Variants in PPARGC1A observed in about 807,000 individuals in gnomAD.
PPARGC1A encodes PPARG coactivator 1 alpha.
In PPARGC1A, 25 loss-of-function variants were observed where a neutral mutation model predicts 88.7. The observed-to-expected ratio is 0.28, with a 90% CI of 0.21 to 0.39. The LOEUF is 0.39. PPARGC1A is among the 10% of genes least tolerant of loss of function. The pLI is 1.00. For missense variants in PPARGC1A, 880 were observed against 968.7 expected (o/e 0.91, Z 1.22); for synonymous variants, 363 against 355.6 (o/e 1.02, Z -0.24).
the PPARGC1A span, among the ~76,000 whole-genome samples, chr4:24,454,039 G>A: frequency 0.2 from 30,495 of 151,488 alleles, 3,917 homozygotes; most frequent in Non-Finnish European, 0.27. Context: ...TACTCTTCTT[G>A]GTAATCTTCT....
chr4:24,076,080 C>T, the PPARGC1A span, among the ~76,000 whole-genome samples: 2 of 152,144 alleles, frequency 1.3e-5, no homozygotes, highest in Admixed American at 6.6e-5. Flanking sequence ...TTACTAGGAT[C>T]AACTGCCCTC....
rs199609369 is a variant in PPARGC1A, at chr4:23,875,179, GA to G, written c.234+9572del. Among the ~76,000 whole-genome samples, 726 of 151,430 alleles carry G rather than the reference GA, an allele frequency of 4.8e-3. 7 individuals are homozygous for G. The highest frequency in any genetic ancestry group is 0.016 in the African/African-American group (682 of 41,526). ...AAAAAGATAATTGTTTGTGGACTTAGAAGTCCTCAACATCTTTATTTGAGAA... is the reference window on the plus strand; with the variant it reads ...AAAAAGATAATTGTTTGTGGACTTAGAGTCCTCAACATCTTTATTTGAGAA... On this transcript the variant is annotated intron_variant, in intron 2 of 12. Coordinates refer to ENST00000264867, the MANE Select transcript of PPARGC1A (RefSeq NM_013261.5).
chr4:24,146,447 T>C, the PPARGC1A span, among the ~76,000 whole-genome samples: 6 of 152,270 alleles, frequency 3.9e-5, no homozygotes, highest in Admixed American at 3.9e-4. Flanking sequence ...TCTGGATGAG[T>C]GTCCCTGCTC....
chr4:24,245,268 G>C, the PPARGC1A span, among the ~76,000 whole-genome samples: 1 of 152,230 alleles, frequency 6.6e-6, no homozygotes, highest in African/African-American at 2.4e-5. Context: ...TCATGGGCCT[G>C]TGTGGCCCCA....
At chr4:23,879,629 C>G (rs1715520097) in intron 2 of PPARGC1A, among the ~76,000 whole-genome samples, 1 of 152,308 alleles carries the variant, frequency 6.6e-6, no homozygotes, top group South Asian at 2.1e-4. Flanking sequence ...GCCACCCCCT[C>G]TGCTATCACC....
upstream of PPARGC1A, among the ~76,000 whole-genome samples, chr4:23,890,558 G>A (rs1481478492): frequency 1.4e-5 from 2 of 146,598 alleles, no homozygotes; most frequent in African/African-American, 5.0e-5. Flanking sequence ...GCATTTTTAT[G>A]AGACATTTTC....
At chr4:24,021,736 C>A in the PPARGC1A span, among the ~76,000 whole-genome samples, 2 of 152,166 alleles carry the variant, frequency 1.3e-5, no homozygotes, top group Non-Finnish European at 2.9e-5. Flanking sequence ...TTAAAGCATT[C>A]TTAGGAAGAT....
chr4:24,175,089 A>G, the PPARGC1A span, among the ~76,000 whole-genome samples: 1 of 152,180 alleles, frequency 6.6e-6, no homozygotes, highest in Non-Finnish European at 1.5e-5. Flanking sequence ...AGGCCTCGCG[A>G]TATATATCAT....
chr4:23,895,646 C>T (rs896572343), intron 1 of PPARGC1A, among the ~76,000 whole-genome samples: 3 of 151,972 alleles, frequency 2.0e-5, no homozygotes, highest in Non-Finnish European at 4.4e-5. Context: ...CTAGGATTGA[C>T]CTCTACATTT....
chr4:24,128,230 T>C, the PPARGC1A span, among the ~76,000 whole-genome samples: 1 of 152,210 alleles, frequency 6.6e-6, no homozygotes, highest in South Asian at 2.1e-4. Context: ...TCACCAGCTC[T>C]GGGCCAATTA....
the PPARGC1A span, among the ~76,000 whole-genome samples, chr4:24,100,638 G>C: frequency 6.6e-6 from 1 of 152,056 alleles, no homozygotes; most frequent in Non-Finnish European, 1.5e-5. Context: ...GAGGAGAAAA[G>C]AATCAATAGA....
the PPARGC1A span, among the ~76,000 whole-genome samples, chr4:24,021,239 G>C: frequency 6.6e-6 from 1 of 152,180 alleles, no homozygotes; most frequent in Non-Finnish European, 1.5e-5. Flanking sequence ...CCATCACCAA[G>C]AGTCTCCTCA....
the PPARGC1A span, among the ~76,000 whole-genome samples, chr4:24,043,886 G>C: frequency 1.3e-5 from 2 of 152,028 alleles, no homozygotes; most frequent in Non-Finnish European, 2.9e-5. Context: ...GCCCCTACCT[G>C]CCACAATATA....
At chr4:23,858,579 C>A (rs551767505) in intron 2 of PPARGC1A, among the ~76,000 whole-genome samples, 2 of 152,158 alleles carry the variant, frequency 1.3e-5, no homozygotes, top group Admixed American at 1.3e-4. Context: ...GGGCAAGCCC[C>A]TTTAAGTCCT....
At chr4:23,947,084 C>G in the PPARGC1A span, among the ~76,000 whole-genome samples, 1 of 151,814 alleles carries the variant, frequency 6.6e-6, no homozygotes, top group Admixed American at 6.6e-5. Context: ...TCTACTGTCC[C>G]CCCACTGGAG....
the PPARGC1A span, among the ~76,000 whole-genome samples, chr4:24,336,534 C>T: frequency 6.6e-6 from 1 of 151,924 alleles, no homozygotes; most frequent in African/African-American, 2.4e-5. Flanking sequence ...GCCTTTTATC[C>T]CTGTATTTTA....
the PPARGC1A span, among the ~76,000 whole-genome samples, chr4:24,087,275 C>T: frequency 3.3e-5 from 5 of 152,162 alleles, no homozygotes; most frequent in African/African-American, 9.7e-5. Context: ...TCTCTGCTTC[C>T]TTCCAGATCA....
chr4:24,294,903 AT>A, the PPARGC1A span, among the ~76,000 whole-genome samples: 1 of 152,184 alleles, frequency 6.6e-6, no homozygotes, highest in African/African-American at 2.4e-5. Context: ...GGACAGTGCA[AT>A]AACCCAGCAC....
chr4:24,314,863 T>C, the PPARGC1A span, among the ~76,000 whole-genome samples: 2 of 152,134 alleles, frequency 1.3e-5, no homozygotes, highest in African/African-American at 4.8e-5. Flanking sequence ...AAATAGTCTC[T>C]TCTGCTCACT....
Sources: allele counts gnomAD v4.1 joint callset (sites outside exome capture counted in the v4.1 genomes callset), GRCh38; gene constraint gnomAD v4.1.1; transcripts MANE v1.5; gene names NCBI Gene and HGNC (gene_info 2026-07-23, HGNC 2026-07-21).